The following MIPOL1 variants were observed in gnomAD, a reference collection of about 807,000 sequenced individuals.
The protein encoded by MIPOL1 is mirror-image polydactyly 1, also known as mirror-image polydactyly gene 1 protein.
MIPOL1 carries 57 observed loss-of-function variants against 60.9 expected under a neutral mutation model. The observed-to-expected ratio is 0.94, with a 90% CI of 0.76 to 1.17. The LOEUF is 1.17. Among genes scored for constraint, MIPOL1 ranks in the 50% most tolerant of loss-of-function variants. The probability of loss-of-function intolerance (pLI) is 0.00; values close to 1 mark genes in which losing one functional copy is unlikely to be tolerated. For synonymous variants in MIPOL1, 179 were observed against 168.8 expected (o/e 1.06, Z -0.47); for missense variants, 551 against 511.6 (o/e 1.08, Z -0.74).
intron 11 of MIPOL1, among the ~76,000 whole-genome samples, chr14:37,429,208 A>G (rs1397061960): frequency 6.6e-6 from 1 of 152,194 alleles, no homozygotes; most frequent in Non-Finnish European, 1.5e-5. Context: ...CATAATAATA[A>G]CAAACTCTTT....
At chr14:37,201,826 T>G (rs929849028) in intron 1 of MIPOL1, among the ~76,000 whole-genome samples, 1 of 152,130 alleles carries the variant, frequency 6.6e-6, no homozygotes, top group African/African-American at 2.4e-5. Context: ...TTCTAGGTAT[T>G]TGTTGTTGTT....
intron 1 of MIPOL1, among the ~76,000 whole-genome samples, chr14:37,238,548 T>G (rs10132070): frequency 0.45 from 67,992 of 152,042 alleles, 17,574 homozygotes; most frequent in African/African-American, 0.72. Flanking sequence ...TTTTCTTAAC[T>G]AATTAATAAT....
chr14:37,295,526 C>T (rs2085556349), intron 7 of MIPOL1, among the ~76,000 whole-genome samples: 1 of 152,122 alleles, frequency 6.6e-6, no homozygotes, highest in Non-Finnish European at 1.5e-5. Flanking sequence ...GATAAAGAGT[C>T]AAGACCCATC....
rs371492296 is a variant in MIPOL1 at position 37,521,893 on chromosome 14, A to AAAT, written c.1262+21756_1262+21757insATA. Among the ~76,000 whole-genome samples, 300 of 123,554 alleles carry AAAT rather than the reference A, an allele frequency of 2.4e-3. 1 individual carries two copies. The highest frequency in any genetic ancestry group is 8.6e-3 in the African/African-American group (280 of 32,664). 81.1% of individuals were successfully genotyped at this position (123,554 alleles called of 152,430 possible). On this transcript the variant is annotated intron_variant, in intron 12 of 12. Coordinates refer to ENST00000684589, the MANE Select transcript of MIPOL1 (RefSeq NM_001388067.1). ...CCAAGACTTTATCTAAAGAAAAAAA[A>AAAT]ATATATATATATATATATTTTTTTT... is the stretch of plus-strand genomic sequence containing the variant.
rs540783526 is a variant in MIPOL1 at position 37,449,420 on chromosome 14, A to T, written c.1031+26471A>T. On this transcript the variant is annotated intron_variant, in intron 11 of 12. Transcript: ENST00000684589. Reference sequence around the variant, plus strand: ...TCTGTAAAGTATTTATATTGTCACAAATAGTTCTAAAAAGTATTCAACAAA... The same window carrying T: ...TCTGTAAAGTATTTATATTGTCACATATAGTTCTAAAAAGTATTCAACAAA... Among the ~76,000 whole-genome samples the T allele has an allele frequency of 1.7e-4, 26 of 152,348 alleles. No individual in the cohort carries two copies. In the South Asian group the frequency reaches 5.4e-3, roughly 32 times the overall value.
intron 11 of MIPOL1, among the ~76,000 whole-genome samples, chr14:37,479,893 G>A (rs1302707378): frequency 6.6e-6 from 1 of 151,994 alleles, no homozygotes; most frequent in Non-Finnish European, 1.5e-5. Context: ...AGTAACATAA[G>A]GGACTATTAT....
intron 9 of MIPOL1, among the ~76,000 whole-genome samples, chr14:37,315,194 T>G (rs979182142): frequency 2.6e-5 from 4 of 152,124 alleles, no homozygotes; most frequent in African/African-American, 9.7e-5. Flanking sequence ...TATCCAGCTG[T>G]GCAGAGAGCT....
At chr14:37,302,501 C>T (rs112815496) in intron 7 of MIPOL1, among the ~76,000 whole-genome samples, 1,863 of 151,206 alleles carry the variant, frequency 0.012, 14 homozygotes, top group Middle Eastern at 0.031. Context: ...GGATATAAGT[C>T]GTTTATCAGA....
At chr14:37,491,948 T>C (rs1351593230) in intron 11 of MIPOL1, among the ~76,000 whole-genome samples, 1 of 152,210 alleles carries the variant, frequency 6.6e-6, no homozygotes. Context: ...AATTAAGGCC[T>C]ATTATACTGG....
chr14:37,443,730 T>C, intron 11 of MIPOL1, among the ~76,000 whole-genome samples: 1 of 140,784 alleles, frequency 7.1e-6, no homozygotes, highest in African/African-American at 2.8e-5. Flanking sequence ...CAGGCCAAAG[T>C]CCTTCATGAT....
At chr14:37,438,506 G>C (rs2094196587) in intron 11 of MIPOL1, among the ~76,000 whole-genome samples, 2 of 152,170 alleles carry the variant, frequency 1.3e-5, no homozygotes, top group South Asian at 4.1e-4. Flanking sequence ...TAATCCTCCT[G>C]ATAGCTGGGC....
chr14:37,428,721 C>T (rs1368227189), intron 11 of MIPOL1, among the ~76,000 whole-genome samples: 3 of 144,692 alleles, frequency 2.1e-5, no homozygotes, highest in Non-Finnish European at 3.0e-5. Flanking sequence ...ACATTCCATT[C>T]CCTTGTATGG....
intron 1 of MIPOL1, among the ~76,000 whole-genome samples, chr14:37,214,392 T>C (rs1967227896): frequency 6.6e-6 from 1 of 152,194 alleles, no homozygotes; most frequent in African/African-American, 2.4e-5. Flanking sequence ...ATGAGAATAG[T>C]GTTGTTTTCA....
At chr14:37,481,511 G>A (rs781692742) in intron 11 of MIPOL1, among the ~76,000 whole-genome samples, 11 of 145,010 alleles carry the variant, frequency 7.6e-5, no homozygotes, top group Non-Finnish European at 1.5e-4. Flanking sequence ...TAATGTCATT[G>A]TTAAAAGAAA....
rs1450003768 is a variant in MIPOL1 at position 37,338,886 on chromosome 14, A to G, written c.828+30367A>G. Among the ~76,000 whole-genome samples the G allele has an allele frequency of 4.6e-5, 7 of 152,228 alleles. No homozygotes were observed. In the East Asian group the frequency reaches 1.3e-3, roughly 29 times the overall value. ...ACAGCTAACACTTTAAAGCTGTCAAAGAAACCATAGGAAAATGCCTTTATT... is the reference window on the plus strand; with the variant it reads ...ACAGCTAACACTTTAAAGCTGTCAAGGAAACCATAGGAAAATGCCTTTATT... On this transcript the variant is annotated intron_variant, in intron 9 of 12. Transcript: ENST00000684589.
chr14:37,525,470 A>G (rs2095441073), intron 12 of MIPOL1, among the ~76,000 whole-genome samples: 1 of 152,216 alleles, frequency 6.6e-6, no homozygotes, highest in Admixed American at 6.5e-5. Context: ...TAGACCCTCC[A>G]AAAATATGAT....
At chr14:37,494,926 G>A (rs967263414) in intron 11 of MIPOL1, among the ~76,000 whole-genome samples, 1 of 151,852 alleles carries the variant, frequency 6.6e-6, no homozygotes, top group Admixed American at 6.6e-5. Context: ...TTGAACTTGC[G>A]GGTACAATCC....
intron 1 of MIPOL1, among the ~76,000 whole-genome samples, chr14:37,209,328 A>G (rs1489506884): frequency 6.6e-6 from 1 of 152,034 alleles, no homozygotes; most frequent in Non-Finnish European, 1.5e-5. Flanking sequence ...ATTTTTTATT[A>G]TTGCCTTTTT....
intron 12 of MIPOL1, among the ~76,000 whole-genome samples, chr14:37,536,927 T>C (rs1376566902): frequency 6.6e-6 from 1 of 152,214 alleles, no homozygotes; most frequent in Non-Finnish European, 1.5e-5. Flanking sequence ...TGTACATAAG[T>C]ATTGAATTGG....
Sources: gnomAD v4.1 joint callset for allele counts (sites outside exome capture counted in the v4.1 genomes callset) on GRCh38, gnomAD v4.1.1 for gene constraint, MANE v1.5 for transcripts, NCBI Gene and HGNC (gene_info 2026-07-23, HGNC 2026-07-21) for gene names.